MSI2: variants seen among roughly 807,000 people sequenced by gnomAD.
MSI2 encodes the protein musashi RNA binding protein 2, also known as RNA-binding protein Musashi homolog 2.
MSI2 carries 17 observed loss-of-function variants against 45.6 expected under a neutral mutation model. The ratio of observed to expected loss-of-function variants is 0.37; its 90% CI spans 0.26 to 0.56. MSI2 has a LOEUF of 0.56. Ranked by LOEUF, MSI2 falls within the 20% of genes least tolerant of loss-of-function variation. The pLI is 0.77. For missense variants in MSI2, 293 were observed against 444.2 expected, an observed-to-expected ratio of 0.66 and a Z score of 3.06; for synonymous variants, 156 against 158.2, an observed-to-expected ratio of 0.99 and a Z score of 0.11.
At chr17:57,668,880 C>A (rs377625283) in intron 11 of MSI2, among the ~76,000 whole-genome samples, 3 of 152,142 alleles carry the variant, frequency 2.0e-5, no homozygotes, top group African/African-American at 7.2e-5. Flanking sequence ...AATTGATTGT[C>A]CCTGCATCTG....
intron 6 of MSI2, among the ~76,000 whole-genome samples, chr17:57,469,785 A>G (rs910442618): frequency 6.6e-6 from 1 of 152,200 alleles, no homozygotes; most frequent in African/African-American, 2.4e-5. Context: ...CTTCTTCCAG[A>G]TGGTTCTGCT....
chr17:57,299,473 G>T (rs760083983), intron 5 of MSI2, among the ~76,000 whole-genome samples: 5 of 152,136 alleles, frequency 3.3e-5, no homozygotes, highest in Non-Finnish European at 1.5e-5. Flanking sequence ...GCCATTGTAG[G>T]GTTATTAATT....
chr17:57,415,183 C>G (rs1372319288), intron 6 of MSI2, among the ~76,000 whole-genome samples: 1 of 152,072 alleles, frequency 6.6e-6, no homozygotes. Flanking sequence ...AGTTTCTCTC[C>G]CAGACTTGCC....
intron 6 of MSI2, among the ~76,000 whole-genome samples, chr17:57,458,257 C>T (rs1016696635): frequency 6.6e-5 from 10 of 152,064 alleles, no homozygotes; most frequent in Non-Finnish European, 1.2e-4. Flanking sequence ...CCCACCACCA[C>T]GCCTGGCTAA....
At chr17:57,277,765 C>T (rs1478811121) in intron 5 of MSI2, among the ~76,000 whole-genome samples, 1 of 152,182 alleles carries the variant, frequency 6.6e-6, no homozygotes, top group Non-Finnish European at 1.5e-5. Flanking sequence ...GTAATGTTTA[C>T]AGGAGACAGT....
At chr17:57,434,750 T>A (rs546021608) in intron 6 of MSI2, among the ~76,000 whole-genome samples, 1 of 152,080 alleles carries the variant, frequency 6.6e-6, no homozygotes, top group East Asian at 1.9e-4. Context: ...TTGTTTTAAG[T>A]CTGAGTAGTG....
At chr17:57,273,481 TC>T (rs373080659) in intron 5 of MSI2, among the ~76,000 whole-genome samples, 18,574 of 134,702 alleles carry the variant, frequency 0.14, 1,507 homozygotes, top group East Asian at 0.27. Flanking sequence ...TTTTTTTTTT[TC>T]TTTTACTGGA....
intron 6 of MSI2, among the ~76,000 whole-genome samples, chr17:57,412,660 G>C (rs12603559): frequency 6.6e-6 from 1 of 151,986 alleles, no homozygotes; most frequent in Non-Finnish European, 1.5e-5. Flanking sequence ...ATGCTATCAC[G>C]ATGACAGCCA....
intron 7 of MSI2, among the ~76,000 whole-genome samples, chr17:57,559,839 C>T (rs1003693028): frequency 5.3e-5 from 8 of 152,266 alleles, no homozygotes; most frequent in Non-Finnish European, 7.3e-5. Context: ...AAGTGGTGGA[C>T]GTCTCCACAG....
At chr17:57,352,533 C>T (rs772671912) in intron 5 of MSI2, among the ~76,000 whole-genome samples, 7 of 152,172 alleles carry the variant, frequency 4.6e-5, no homozygotes, top group African/African-American at 7.2e-5. Flanking sequence ...CAGGTTTGTT[C>T]GGACTCACAC....
intron 5 of MSI2, chr17:57,294,658 T>C (rs1316254536): frequency 2.6e-5 from 4 of 152,306 alleles, no homozygotes; most frequent in African/African-American, 9.7e-5. Context: ...TGAGTTGTCT[T>C]GTCTCTGACC....
intron 8 of MSI2, among the ~76,000 whole-genome samples, chr17:57,604,443 G>C (rs959056304): frequency 6.6e-6 from 1 of 152,170 alleles, no homozygotes; most frequent in Non-Finnish European, 1.5e-5. Flanking sequence ...TCCCGAGCCT[G>C]CGGGGCAGGG....
chr17:57,617,886 C>G (rs1182034892), intron 9 of MSI2, among the ~76,000 whole-genome samples: 2 of 152,002 alleles, frequency 1.3e-5, no homozygotes, highest in African/African-American at 4.8e-5. Flanking sequence ...GTGCGGGCAA[C>G]ATGGTGAAAC....
At chr17:57,626,134 G>A (rs1403515130) in intron 9 of MSI2, 19 of 152,156 alleles carry the variant, frequency 1.2e-4, no homozygotes, top group Admixed American at 1.2e-3. Flanking sequence ...CTTACACACA[G>A]GGAGAGGCTC....
At chr17:57,630,678 C>T (rs188075887) in intron 10 of MSI2, 2 of 152,474 alleles carry the variant, frequency 1.3e-5, no homozygotes, top group Admixed American at 1.3e-4. Flanking sequence ...CCAGATGCCT[C>T]CCCAAGCAGC....
intron 8 of MSI2, among the ~76,000 whole-genome samples, chr17:57,598,736 C>T (rs1474096924): frequency 1.3e-5 from 2 of 152,102 alleles, no homozygotes; most frequent in Non-Finnish European, 2.9e-5. Flanking sequence ...GATCTCGGCT[C>T]ACTGCAACCT....
At chr17:57,372,945 T>C (rs2083441831) in intron 5 of MSI2, among the ~76,000 whole-genome samples, 1 of 152,166 alleles carries the variant, frequency 6.6e-6, no homozygotes, top group Non-Finnish European at 1.5e-5. Flanking sequence ...AAAGGGCATC[T>C]GGATTTAGAA....
chr17:57,410,668 G>A (rs756063499), intron 6 of MSI2, among the ~76,000 whole-genome samples: 58 of 143,508 alleles, frequency 4.0e-4, no homozygotes, highest in African/African-American at 1.5e-3. Flanking sequence ...TGTTATAGAA[G>A]ATGTAATTTG....
chr17:57,535,352 G>A (rs1043129367), intron 7 of MSI2, among the ~76,000 whole-genome samples: 11 of 152,166 alleles, frequency 7.2e-5, no homozygotes, highest in Admixed American at 6.5e-4. Context: ...GATGGTTGAG[G>A]CCTAGTTGAA....
Sources: allele counts gnomAD v4.1 joint callset (sites outside exome capture counted in the v4.1 genomes callset), GRCh38; gene constraint gnomAD v4.1.1; transcripts MANE v1.5; gene names NCBI Gene and HGNC (gene_info 2026-07-23, HGNC 2026-07-21).